Variants in DLG2 observed in about 807,000 individuals in gnomAD.
DLG2 encodes the protein disks large homolog 2.
A neutral mutation model predicts 132.5 loss-of-function variants in DLG2; 45 were observed. That is an observed-to-expected ratio of 0.34 (90% CI 0.27 to 0.44). DLG2 has a LOEUF of 0.44. Ranked by LOEUF, DLG2 falls within the 20% of genes least tolerant of loss-of-function variation. DLG2 has a pLI of 1.00. For missense variants in DLG2, 1,045 were observed against 1,196.9 expected (o/e 0.87, Z 1.87); for synonymous variants, 424 against 419.6 (o/e 1.01, Z -0.13).
intron 11 of DLG2, among the ~76,000 whole-genome samples, chr11:84,009,050 A>G (rs2094733004): frequency 6.6e-6 from 1 of 151,888 alleles, no homozygotes; most frequent in African/African-American, 2.4e-5. Flanking sequence ...ATCTGTTAAC[A>G]GGATGAATAA....
intron 3 of DLG2, among the ~76,000 whole-genome samples, chr11:85,445,782 C>G (rs1350355232): frequency 1.3e-5 from 2 of 152,128 alleles, no homozygotes; most frequent in African/African-American, 4.8e-5. Flanking sequence ...TTTATTTTTT[C>G]TTTTAAACAC....
At chr11:84,178,675 C>T (rs539362138) in intron 8 of DLG2, among the ~76,000 whole-genome samples, 3 of 152,112 alleles carry the variant, frequency 2.0e-5, no homozygotes, top group African/African-American at 7.2e-5. Flanking sequence ...CACTGGCTCA[C>T]CATCTGGCTA....
intron 6 of DLG2, among the ~76,000 whole-genome samples, chr11:84,914,348 C>A (rs1339595841): frequency 6.6e-6 from 1 of 152,158 alleles, no homozygotes; most frequent in Non-Finnish European, 1.5e-5. Flanking sequence ...CTTGTCAATT[C>A]TCAAGAGCTA....
chr11:83,526,991 A>C (rs1165850922), intron 21 of DLG2, among the ~76,000 whole-genome samples: 1 of 152,148 alleles, frequency 6.6e-6, no homozygotes, highest in Non-Finnish European at 1.5e-5. Context: ...ACACCTCCAC[A>C]TTACTTATCA....
chr11:83,769,024 G>A (rs2094266577), intron 18 of DLG2, among the ~76,000 whole-genome samples: 1 of 152,130 alleles, frequency 6.6e-6, no homozygotes, highest in African/African-American at 2.4e-5. Context: ...GAATTAAATG[G>A]CATAATGTAC....
intron 3 of DLG2, among the ~76,000 whole-genome samples, chr11:85,379,733 T>A (rs1047489037): frequency 1.3e-5 from 2 of 152,172 alleles, no homozygotes; most frequent in Admixed American, 1.3e-4. Flanking sequence ...TTGGCAATGA[T>A]ATTATAGAGA....
At chr11:84,925,821 C>T (rs921519236) in intron 6 of DLG2, among the ~76,000 whole-genome samples, 8 of 151,976 alleles carry the variant, frequency 5.3e-5, no homozygotes, top group African/African-American at 1.9e-4. Context: ...TGAACCCTGC[C>T]ATCAAAATAA....
intron 9 of DLG2, among the ~76,000 whole-genome samples, chr11:84,144,246 G>C (rs760560259): frequency 6.6e-6 from 1 of 151,984 alleles, no homozygotes; most frequent in Non-Finnish European, 1.5e-5. Flanking sequence ...TTTGATTTAC[G>C]GTCTGTAGAT....
At chr11:84,572,433 G>C (rs2099487621) in intron 6 of DLG2, among the ~76,000 whole-genome samples, 1 of 152,112 alleles carries the variant, frequency 6.6e-6, no homozygotes, top group Admixed American at 6.6e-5. Flanking sequence ...ATGTAAAGAA[G>C]TCTGGGCTAG....
At chr11:83,562,425 T>C (rs570709798) in intron 19 of DLG2, among the ~76,000 whole-genome samples, 10 of 152,164 alleles carry the variant, frequency 6.6e-5, no homozygotes, top group South Asian at 2.1e-4. Flanking sequence ...GGGGGTACCA[T>C]TTACCCCTGA....
rs377541559 is a variant in DLG2, at chr11:85,463,925, CTATACTATGAATTTAA to C, written c.40+134716_40+134731del. On this transcript the variant is annotated intron_variant, in intron 3 of 27. Coordinates refer to ENST00000376104, the MANE Select transcript of DLG2 (RefSeq NM_001142699.3). ...GTAGATAGCTACTACACAGCAAGCACTATACTATGAATTTAATATACTGTACTATTTAATATATATT... is the reference window on the plus strand; with the variant it reads ...GTAGATAGCTACTACACAGCAAGCACTATACTGTACTATTTAATATATATT... Among the ~76,000 whole-genome samples the C allele has an allele frequency of 4.0e-5, 6 of 150,292 alleles. No homozygotes were observed. The East Asian group carries it at 1.2e-3, about 30-fold the overall frequency.
chr11:84,131,135 T>C (rs887767825), intron 9 of DLG2, among the ~76,000 whole-genome samples: 2 of 151,894 alleles, frequency 1.3e-5, no homozygotes, highest in African/African-American at 4.8e-5. Flanking sequence ...GTGGTAAAGC[T>C]GGTTTTAAAA....
rs73513134 is a variant in DLG2 at position 84,682,135 on chromosome 11, A to T, written c.358-147404T>A. 8.6e-3 allele frequency among the ~76,000 whole-genome samples: 1,304 copies of T among 152,180 alleles called. 24 individuals carry two copies. The highest frequency in any genetic ancestry group is 0.03 in the African/African-American group (1,231 of 41,508). On this transcript the variant is annotated intron_variant, in intron 6 of 27. Transcript: ENST00000376104. Reference sequence around the variant, plus strand: ...ACATATGTTTATTCAGGAGTGATCTACCTCCATTACCCAAACACCTCGCAT... The same window carrying T: ...ACATATGTTTATTCAGGAGTGATCTTCCTCCATTACCCAAACACCTCGCAT...
chr11:84,097,416 T>C (rs2097180373), intron 10 of DLG2, among the ~76,000 whole-genome samples: 1 of 152,134 alleles, frequency 6.6e-6, no homozygotes. Context: ...GAATTCCCCT[T>C]ACCCTTGACG....
At chr11:83,520,627 ATAGGTAGGTAGG>A (rs1268327905) in intron 21 of DLG2, among the ~76,000 whole-genome samples, 1 of 147,264 alleles carries the variant, frequency 6.8e-6, no homozygotes, top group Non-Finnish European at 1.5e-5. Context: ...AGGTAGGTAG[ATAGGTAGGTAGG>A]TAGATAGATA....
chr11:83,938,973 A>T (rs994489464), intron 14 of DLG2, among the ~76,000 whole-genome samples: 2 of 152,136 alleles, frequency 1.3e-5, no homozygotes, highest in African/African-American at 4.8e-5. Context: ...GATACTTTCT[A>T]CCTGATAGCT....
intron 9 of DLG2, among the ~76,000 whole-genome samples, chr11:84,141,055 G>A (rs1001931311): frequency 2.0e-5 from 3 of 152,134 alleles, no homozygotes; most frequent in African/African-American, 7.2e-5. Context: ...AAGAGCCATT[G>A]TAGAGTGATT....
chr11:85,612,255 AT>A (rs571918038), intron 2 of DLG2, among the ~76,000 whole-genome samples: 96 of 152,340 alleles, frequency 6.3e-4, no homozygotes, highest in Non-Finnish European at 1.2e-3. Context: ...TAGCCTTCCT[AT>A]CAAAAATCCT....
intron 4 of DLG2, among the ~76,000 whole-genome samples, chr11:85,170,162 AG>A (rs1468756818): frequency 1.3e-5 from 2 of 152,336 alleles, no homozygotes; most frequent in East Asian, 3.9e-4. Context: ...ATCTGATAAA[AG>A]CAGTGCAGAG....
Sources: gnomAD v4.1 joint callset for allele counts (sites outside exome capture counted in the v4.1 genomes callset) on GRCh38, gnomAD v4.1.1 for gene constraint, MANE v1.5 for transcripts, NCBI Gene and HGNC (gene_info 2026-07-23, HGNC 2026-07-21) for gene names.